Variants in DOCK4 observed in about 807,000 individuals in gnomAD.
DOCK4 encodes the protein dedicator of cytokinesis protein 4.
DOCK4 carries 97 observed loss-of-function variants against 268.1 expected under a neutral mutation model. The ratio of observed to expected loss-of-function variants is 0.36; its 90% CI spans 0.31 to 0.43. DOCK4 has a LOEUF of 0.43. DOCK4 is among the 20% of genes least tolerant of loss of function. The probability of loss-of-function intolerance (pLI) is 1.00; values close to 1 mark genes in which losing one functional copy is unlikely to be tolerated. For missense variants in DOCK4, 2,145 were observed against 2,455.7 expected (o/e 0.87, Z 2.67); for synonymous variants, 954 against 887.2 (o/e 1.08, Z -1.34).
chr7:111,960,563 T>G (rs1796799417), intron 8 of DOCK4, among the ~76,000 whole-genome samples: 1 of 135,360 alleles, frequency 7.4e-6, no homozygotes, highest in African/African-American at 2.9e-5. Context: ...TGAAAACACT[T>G]AAAATCTACT....
At chr7:111,778,434 T>C in intron 35 of DOCK4, 65 bp from the exon 36 acceptor site, 2 of 1,026,774 alleles carry the variant, frequency 1.9e-6, no homozygotes, top group Non-Finnish European at 3.0e-6. Context: ...ATCTGCCTTT[T>C]ACTCTGCTAA....
chr7:111,843,882 A>T (rs148532563), intron 25 of DOCK4, among the ~76,000 whole-genome samples: 4,327 of 152,292 alleles, frequency 0.028, 93 homozygotes, highest in Non-Finnish European at 0.041. Flanking sequence ...AGGTTACCTT[A>T]ATTTTACAAG....
chr7:112,163,008 T>C (rs1299536125), intron 1 of DOCK4, among the ~76,000 whole-genome samples: 2 of 152,124 alleles, frequency 1.3e-5, no homozygotes, highest in Admixed American at 1.3e-4. Flanking sequence ...CGTCAACTTA[T>C]CCTCCTTTGT....
chr7:112,054,376 C>T (rs973929992), intron 1 of DOCK4, among the ~76,000 whole-genome samples: 8 of 152,038 alleles, frequency 5.3e-5, no homozygotes, highest in Non-Finnish European at 1.2e-4. Context: ...TCTAACTCTC[C>T]ATGTATCTTT....
chr7:111,997,133 C>A (rs1321244411), intron 4 of DOCK4, among the ~76,000 whole-genome samples: 1 of 152,164 alleles, frequency 6.6e-6, no homozygotes, highest in East Asian at 1.9e-4. Flanking sequence ...AAGCATATGG[C>A]TGGAGTGTAT....
chr7:111,780,761 G>C (rs1196893797), intron 35 of DOCK4, among the ~76,000 whole-genome samples: 1 of 152,214 alleles, frequency 6.6e-6, no homozygotes, highest in Non-Finnish European at 1.5e-5. Flanking sequence ...GAGGAAGTGA[G>C]TAAATGAAGA....
At chr7:111,767,367 C>T (rs1797828907) in intron 37 of DOCK4, among the ~76,000 whole-genome samples, 1 of 151,676 alleles carries the variant, frequency 6.6e-6, no homozygotes, top group African/African-American at 2.4e-5. Context: ...GCTGGGATTA[C>T]AGGCACGCAC....
Position 112,053,098 on chromosome 7 carries a change from A to G in DOCK4, c.38-48967T>C, listed in dbSNP as rs1405081896. On this transcript the variant is annotated intron_variant, in intron 1 of 52. Coordinates refer to ENST00000428084, the MANE Select transcript of DOCK4 (RefSeq NM_001363540.2). The stretch of plus-strand genomic sequence containing the variant: ...ATAATATGATTCTGTTCTCTTAACC[A>G]TTGAAAACCTGGAGCTAAAAAAGCG... Among the ~76,000 whole-genome samples, 3 of 152,198 alleles carry G rather than the reference A, an allele frequency of 2.0e-5. No individual in the cohort carries two copies. The East Asian group carries it at 5.8e-4, about 29-fold the overall frequency.
intron 8 of DOCK4, among the ~76,000 whole-genome samples, chr7:111,949,806 C>G (rs896007077): frequency 1.3e-5 from 2 of 152,112 alleles, no homozygotes; most frequent in African/African-American, 4.8e-5. Flanking sequence ...CCTATATTAA[C>G]GTATTTTGGA....
intron 1 of DOCK4, among the ~76,000 whole-genome samples, chr7:112,180,102 C>T (rs565088140): frequency 5.1e-4 from 77 of 152,062 alleles, no homozygotes; most frequent in Middle Eastern, 3.4e-3. Flanking sequence ...AAGTCAACTA[C>T]GGTTTAGCTG....
At chr7:111,996,040 A>G (rs1296388464) in intron 4 of DOCK4, among the ~76,000 whole-genome samples, 1 of 152,228 alleles carries the variant, frequency 6.6e-6, no homozygotes, top group Admixed American at 6.5e-5. Context: ...TGGAGATTAT[A>G]AAATGATCCT....
intron 26 of DOCK4, among the ~76,000 whole-genome samples, chr7:111,826,376 A>C (rs1802388249): frequency 6.6e-6 from 1 of 152,204 alleles, no homozygotes; most frequent in African/African-American, 2.4e-5. Context: ...TTGTGGAGAC[A>C]CTGAGGGGTA....
At chr7:112,073,315 G>A (rs1037969313) in intron 1 of DOCK4, among the ~76,000 whole-genome samples, 1 of 151,994 alleles carries the variant, frequency 6.6e-6, no homozygotes, top group Non-Finnish European at 1.5e-5. Context: ...AAGGAAATCA[G>A]TATATCAAAG....
chr7:111,972,461 A>T (rs1037055637), intron 8 of DOCK4, among the ~76,000 whole-genome samples: 1 of 152,086 alleles, frequency 6.6e-6, no homozygotes, highest in Non-Finnish European at 1.5e-5. Flanking sequence ...AGTGCTCAAT[A>T]AATACTGGCT....
Position 112,128,983 on chromosome 7 carries a change from A to G in DOCK4, c.37+77119T>C, listed in dbSNP as rs148171833. Among the ~76,000 whole-genome samples the G allele has an allele frequency of 2.3e-4, 35 of 152,364 alleles. No homozygotes were observed. In the East Asian group the frequency reaches 6.0e-3, roughly 26 times the overall value. On this transcript the variant is annotated intron_variant, in intron 1 of 52. Coordinates refer to ENST00000428084, the MANE Select transcript of DOCK4 (RefSeq NM_001363540.2). ...TGTAGAATAGATAGTCACTGCGGAA[A>G]GCAGGTTGGGTGTTGCTTATAAAAC... is the stretch of plus-strand genomic sequence containing the variant.
intron 1 of DOCK4, among the ~76,000 whole-genome samples, chr7:112,195,477 C>T (rs566746146): frequency 2.0e-5 from 3 of 152,246 alleles, no homozygotes; most frequent in African/African-American, 4.8e-5. Flanking sequence ...CCCTGGCTAA[C>T]CCCTGAGCCT....
intron 1 of DOCK4, among the ~76,000 whole-genome samples, chr7:112,179,872 T>A (rs1044426758): frequency 1.3e-5 from 2 of 152,182 alleles, no homozygotes; most frequent in Non-Finnish European, 2.9e-5. Flanking sequence ...CACTTTAGCA[T>A]AAGCACTTTT....
intron 6 of DOCK4, among the ~76,000 whole-genome samples, chr7:111,987,135 G>A (rs76691688): frequency 6.6e-6 from 1 of 152,134 alleles, no homozygotes; most frequent in Non-Finnish European, 1.5e-5. Context: ...TGAAGTTGAA[G>A]ATGATCTAAA....
At chr7:111,781,602 G>A (rs560631177) in intron 35 of DOCK4, among the ~76,000 whole-genome samples, 4 of 152,248 alleles carry the variant, frequency 2.6e-5, no homozygotes, top group Non-Finnish European at 4.4e-5. Context: ...TATTTTTAGG[G>A]ACTGATATTG....
Sources: gnomAD v4.1 joint callset for allele counts (sites outside exome capture counted in the v4.1 genomes callset) on GRCh38, gnomAD v4.1.1 for gene constraint, MANE v1.5 for transcripts, NCBI Gene and HGNC (gene_info 2026-07-23, HGNC 2026-07-21) for gene names.